The following DIS3 variants were observed in gnomAD, a reference collection of about 807,000 sequenced individuals.
DIS3 encodes the protein exosome complex exonuclease RRP44.
DIS3 carries 103 observed loss-of-function variants against 113.0 expected under a neutral mutation model. The observed-to-expected ratio is 0.91, with a 90% CI of 0.78 to 1.07. The LOEUF is 1.07. Among genes scored for constraint, DIS3 ranks in the 50% least tolerant of loss-of-function variants. The probability of loss-of-function intolerance (pLI) is 0.00; values close to 1 mark genes in which losing one functional copy is unlikely to be tolerated. For synonymous variants in DIS3, 402 were observed against 394.3 expected (o/e 1.02, Z -0.23); for missense variants, 1,121 against 1,167.1 (o/e 0.96, Z 0.58).
At chr13:72,778,749 A>G (rs1474385857) in intron 2 of DIS3, among the ~76,000 whole-genome samples, 1 of 152,214 alleles carries the variant, frequency 6.6e-6, no homozygotes, top group Non-Finnish European at 1.5e-5. Context: ...TTTCATTCAA[A>G]CTGTAGGTTA....
At chr13:72,778,941 G>A (rs562850975) in intron 2 of DIS3, among the ~76,000 whole-genome samples, 1 of 152,256 alleles carries the variant, frequency 6.6e-6, no homozygotes, top group Admixed American at 6.5e-5. Context: ...AAACTCCCAA[G>A]TATGTCAACA....
chr13:72,760,642 GTGAGGGTAT>G lies in DIS3; in HGVS notation c.2671_2679del (p.Ile891_Ser893del). 2 of 1,612,622 alleles carry G rather than the reference GTGAGGGTAT, an allele frequency of 1.2e-6. No homozygotes were observed. Among genetic ancestry groups the G allele is most frequent in the Non-Finnish European group, 1.7e-6 (2 of 1,179,212 alleles). On this transcript the variant is annotated inframe_deletion and splice_region_variant, in exon 20 of 21. Transcript: ENST00000377767. The stretch of plus-strand genomic sequence containing the variant: ...TGGAACACTGTATCTTCTATTTTAA[GTGAGGGTAT>G]CTAAACAAAACACATTTTATCATTC...
intron 13 of DIS3, among the ~76,000 whole-genome samples, chr13:72,770,390 A>G (rs2033856789): frequency 6.6e-6 from 1 of 152,132 alleles, no homozygotes; most frequent in East Asian, 1.9e-4. Context: ...CCTCCCACCC[A>G]AACTGAAATA....
In DIS3 at chr13:72,753,745, G is replaced by C. The variant is rs1286122932; in HGVS notation, c.*6050C>G. The C allele has an allele frequency of 1.2e-6, 2 of 1,613,190 alleles. No homozygotes were observed. Among genetic ancestry groups the C allele is most frequent in the African/African-American group, 1.3e-5 (1 of 74,828 alleles). ...GGAAGCAATATTATGGATACAGTTG[G>C]GGCAGAAAGTTACTGCAAAGAAAGT... On this transcript the variant is annotated 3_prime_UTR_variant, in exon 21 of 21. Coordinates refer to ENST00000377767, the MANE Select transcript of DIS3 (RefSeq NM_014953.5).
At chr13:72,762,357 C>T (rs1198213912) in intron 16 of DIS3, among the ~76,000 whole-genome samples, 1 of 152,108 alleles carries the variant, frequency 6.6e-6, no homozygotes, top group Non-Finnish European at 1.5e-5. Context: ...TTGTTCTACC[C>T]TAGGGAGATG....
In DIS3 at chr13:72,781,144, T is replaced by G. The variant is rs143664997; in HGVS notation, c.229-141A>C. The G allele has an allele frequency of 5.6e-3, 7,556 of 1,353,258 alleles. 267 individuals are homozygous for G. Among genetic ancestry groups the G allele is most frequent in the East Asian group, 0.019 (743 of 39,862 alleles). 83.8% of individuals were successfully genotyped at this position (1,353,258 alleles called of 1,614,324 possible). On this transcript the variant is annotated intron_variant, in intron 1 of 20. Transcript: ENST00000377767. ...GTTAAGCCAAGAAGCTATTTGGCTA[T>G]AGAAAACGAGACAATAGTCACTAAA...
intron 16 of DIS3, among the ~76,000 whole-genome samples, chr13:72,762,840 A>G (rs1178070804): frequency 6.6e-6 from 1 of 152,214 alleles, no homozygotes; most frequent in Non-Finnish European, 1.5e-5. Context: ...ATAAAAAAAA[A>G]AAATACATTA....
rs2033505089 is a variant in DIS3, at chr13:72,757,285, T to C, written c.*2510A>G. ...TTTTTTTTTTGAGACAGTCTTGTTCTGTCACCCAGGCTGGAGTGCAGTGGC... is the reference window on the plus strand; with the variant it reads ...TTTTTTTTTTGAGACAGTCTTGTTCCGTCACCCAGGCTGGAGTGCAGTGGC... On this transcript the variant is annotated 3_prime_UTR_variant, in exon 21 of 21. Coordinates refer to ENST00000377767, the MANE Select transcript of DIS3 (RefSeq NM_014953.5). 1 of 152,192 alleles carries C rather than the reference T, an allele frequency of 6.6e-6. No homozygotes were observed. The highest frequency in any genetic ancestry group is 2.4e-5 in the African/African-American group (1 of 41,192). The allele number at this position is 152,192 out of a possible 1,614,324, so 9.4% of individuals were successfully genotyped here.
At position 72,771,150 on chromosome 13, in the gene DIS3, A is replaced by C; in HGVS notation, c.1606-5T>G. The stretch of plus-strand genomic sequence containing the variant: ...CTCTGGAACCATGTCAATCCTCTGC[A>C]AAAGATAAAAATAGAACCACAGATT... On this transcript the variant is annotated splice_region_variant and splice_polypyrimidine_tract_variant and intron_variant, in intron 11 of 20. Transcript: ENST00000377767. 1 of 1,611,894 alleles carries C rather than the reference A, an allele frequency of 6.2e-7. No individual in the cohort carries two copies. The highest frequency in any genetic ancestry group is 8.5e-7 in the Non-Finnish European group (1 of 1,178,608).
At chr13:72,770,863 A>C (rs374750334) in intron 13 of DIS3, 41 bp downstream of exon 13, 16 of 1,461,690 alleles carry the variant, frequency 1.1e-5, no homozygotes, top group Non-Finnish European at 1.5e-5. Context: ...AAAAAGTACC[A>C]AAAAGTTTAA....
intron 4 of DIS3, 55 bp downstream of exon 4, chr13:72,777,365 T>C: frequency 3.2e-6 from 5 of 1,555,052 alleles, no homozygotes; most frequent in Non-Finnish European, 4.4e-6. Context: ...ATGCCTAATA[T>C]TCCAAAGTGG....
chr13:72,781,634 G>A lies in DIS3; in HGVS notation c.199C>T (p.Leu67=). The change falls in exon 1 of 21, where the codon CTG becomes TTG. Residue 67 remains leucine, a synonymous_variant. Coordinates refer to ENST00000377767, the MANE Select transcript of DIS3 (RefSeq NM_014953.5). ...TGCAGTAACACATTAGTGTCGGGCA[G>A]CAAGTAGTGCGGTTGCGGGCAGACG... is the stretch of plus-strand genomic sequence containing the variant. ...SSVCPQPHYL[L]PDTNVLLHQI... is the part of the protein sequence containing the mutation. The A allele has an allele frequency of 6.5e-7, 1 of 1,539,318 alleles. No homozygotes were observed. Among genetic ancestry groups the A allele is most frequent in the Non-Finnish European group, 8.8e-7 (1 of 1,141,132 alleles).
At position 72,778,398 on chromosome 13, in the gene DIS3, AC is replaced by A. The variant is rs905590556; in HGVS notation, c.387-19del. On this transcript the variant is annotated intron_variant, in intron 2 of 20. Transcript: ENST00000377767. ...AGGTTTCTCTAAATGGAAAGAAAAA[AC>A]GAAATAAAAGGAAATCAGTAGAAAC... The A allele has an allele frequency of 7.2e-6, 11 of 1,532,468 alleles. No homozygotes were observed. The African/African-American group carries it at 1.5e-4, about 21-fold the overall frequency. 94.9% of individuals were successfully genotyped at this position (1,532,468 alleles called of 1,614,324 possible).
Position 72,772,736 on chromosome 13 carries a change from A to G in DIS3, c.1343T>C (p.Val448Ala), listed in dbSNP as rs1306408917. 4 of 1,613,300 alleles carry G rather than the reference A, an allele frequency of 2.5e-6. No individual in the cohort carries two copies. The highest frequency in any genetic ancestry group is 2.5e-6 in the Non-Finnish European group (3 of 1,179,842). ...DVPHQPFSQA[V>A]LSFLPKMPWS... Reference sequence around the variant, plus strand: ...GGGCATCTTTGGCAGAAAACTAAGAACAGCCTGTGAAAAAGGCTGATGGGG... The same window carrying G: ...GGGCATCTTTGGCAGAAAACTAAGAGCAGCCTGTGAAAAAGGCTGATGGGG... The change falls in exon 9 of 21, where the codon GTT (valine) becomes GCT (alanine). Residue 448 changes from valine (V) to alanine (A), a missense_variant. Val to Ala is a moderately conservative substitution (Grantham distance 64). Coordinates refer to ENST00000377767, the MANE Select transcript of DIS3 (RefSeq NM_014953.5).
At position 72,753,596 on chromosome 13, in the gene DIS3, G is replaced by A. The variant is rs2033341511; in HGVS notation, c.*6199C>T. 2 of 1,237,624 alleles carry A rather than the reference G, an allele frequency of 1.6e-6. No individual in the cohort carries two copies. Among genetic ancestry groups the A allele is most frequent in the Non-Finnish European group, 1.1e-6 (1 of 879,290 alleles). 76.7% of individuals were successfully genotyped at this position (1,237,624 alleles called of 1,614,324 possible). A position where few individuals can be genotyped will look rare whatever the true frequency, so the allele number is the denominator to read the frequency against. ...CAATATTACATGTTAGGATCATTCA[G>A]ATGTAGTGAATGAGAGTTTATAGTG... On this transcript the variant is annotated 3_prime_UTR_variant, in exon 21 of 21. Transcript: ENST00000377767.
In DIS3 at chr13:72,772,674, C is replaced by T; in HGVS notation, c.1386+19G>A. ...GATATAATAATTTATAAAGTCACTA[C>T]AAATTACTTTCAACTTACCTTTTCA... is the stretch of plus-strand genomic sequence containing the variant. On this transcript the variant is annotated intron_variant, in intron 9 of 20. Transcript: ENST00000377767. 2 of 1,589,032 alleles carry T rather than the reference C, an allele frequency of 1.3e-6. No homozygotes were observed. The highest frequency in any genetic ancestry group is 1.7e-6 in the Non-Finnish European group (2 of 1,172,542).
At chr13:72,770,292 A>C (rs886409337) in intron 13 of DIS3, among the ~76,000 whole-genome samples, 30 of 152,024 alleles carry the variant, frequency 2.0e-4, no homozygotes, top group Non-Finnish European at 4.1e-4. Context: ...GAAAAAAAAA[A>C]CCCTCAAAAT....
rs563719321 is a variant in DIS3 at position 72,756,374 on chromosome 13, G to C, written c.*3421C>G. On this transcript the variant is annotated 3_prime_UTR_variant, in exon 21 of 21. Transcript: ENST00000377767. ...GAAAGTTGTCTTTAATCACACAGGTGTTAAACTCAATATAAATTTACCTAA... is the reference window on the plus strand; with the variant it reads ...GAAAGTTGTCTTTAATCACACAGGTCTTAAACTCAATATAAATTTACCTAA... The C allele has an allele frequency of 6.4e-6, 1 of 155,804 alleles. No individual in the cohort carries two copies. The highest frequency in any genetic ancestry group is 2.4e-5 in the African/African-American group (1 of 41,724). 9.7% of individuals were successfully genotyped at this position (155,804 alleles called of 1,614,324 possible).
intron 15 of DIS3, among the ~76,000 whole-genome samples, chr13:72,764,210 G>T (rs1028788500): frequency 6.6e-6 from 1 of 151,964 alleles, no homozygotes; most frequent in Admixed American, 6.6e-5. Flanking sequence ...ATTTATAAAT[G>T]AAATGAAAAC....
Sources: allele counts gnomAD v4.1 joint callset (sites outside exome capture counted in the v4.1 genomes callset), GRCh38; gene constraint gnomAD v4.1.1; transcripts MANE v1.5; gene names NCBI Gene and HGNC (gene_info 2026-07-23, HGNC 2026-07-21).